Variants in SLC39A10 observed in about 807,000 individuals in gnomAD.
SLC39A10 encodes zinc transporter ZIP10.
SLC39A10 carries 13 observed loss-of-function variants against 65.1 expected under a neutral mutation model. That is an observed-to-expected ratio of 0.20 (90% confidence interval 0.13 to 0.32). The LOEUF (loss-of-function observed/expected upper bound fraction) is 0.32, where lower values mean the gene tolerates loss of function less well. Ranked by LOEUF, SLC39A10 falls within the 10% of genes least tolerant of loss-of-function variation. The pLI, the probability that SLC39A10 is intolerant of heterozygous loss-of-function variation, is 1.00. For missense variants in SLC39A10, 831 were observed against 1,018.4 expected (o/e 0.82, Z 2.50); for synonymous variants, 321 against 342.2 (o/e 0.94, Z 0.68).
intron 2 of SLC39A10, among the ~76,000 whole-genome samples, chr2:195,619,581 G>A (rs1253088841): frequency 2.0e-5 from 3 of 152,322 alleles, no homozygotes; most frequent in Admixed American, 2.0e-4. Context: ...TAATGCTGAT[G>A]TACACGAGGA....
chr2:195,650,385 G>T (rs1689008141), intron 2 of SLC39A10, among the ~76,000 whole-genome samples: 1 of 151,942 alleles, frequency 6.6e-6, no homozygotes, highest in African/African-American at 2.4e-5. Flanking sequence ...GTCTGGCTCT[G>T]GCTCTGAGTT....
chr2:195,705,122 C>T (rs1028360858), intron 3 of SLC39A10, among the ~76,000 whole-genome samples: 2 of 152,144 alleles, frequency 1.3e-5, no homozygotes, highest in Admixed American at 1.3e-4. Context: ...TTTCTTTCCA[C>T]TAACCAGGAT....
chr2:195,695,805 G>T (rs1559038204), intron 3 of SLC39A10, among the ~76,000 whole-genome samples: 8 of 152,128 alleles, frequency 5.3e-5, no homozygotes, highest in Admixed American at 4.6e-4. Context: ...CAGTTTGTCT[G>T]TTTTTTTGTT....
chr2:195,649,535 T>C (rs1688990241), intron 2 of SLC39A10, among the ~76,000 whole-genome samples: 1 of 152,202 alleles, frequency 6.6e-6, no homozygotes, highest in South Asian at 2.1e-4. Flanking sequence ...TGATCTTATG[T>C]GATGACATTT....
rs767931505 is a variant in SLC39A10 at position 195,680,425 on chromosome 2, A to G, written c.383A>G (p.His128Arg). Reference protein sequence around the residue: ...QEGKHFHSHNHQHSHNHLNSE... With the variant: ...QEGKHFHSHNRQHSHNHLNSE... ...GGAAAGCATTTTCACTCACATAACC[A>G]CCAGCATTCCCATAATCATTTAAAT... Residue 128 changes from histidine to arginine, a missense_variant, in exon 2 of 10, where the codon CAC (histidine) becomes CGC (arginine). This residue lies in a region of SLC39A10 where 446 missense variants were observed against 499.2 expected (regional missense o/e 0.89). Coordinates refer to ENST00000359634, the MANE Select transcript of SLC39A10 (RefSeq NM_020342.3). The G allele has an allele frequency of 8.7e-6, 14 of 1,614,042 alleles. No homozygotes were observed. In the Admixed American group the frequency reaches 2.3e-4, roughly 27 times the overall value.
intron 1 of SLC39A10, among the ~76,000 whole-genome samples, chr2:195,668,475 A>G (rs1242748138): frequency 6.6e-6 from 1 of 152,236 alleles, no homozygotes; most frequent in Non-Finnish European, 1.5e-5. Context: ...GCAATCTGGA[A>G]CACTGAAAAA....
At chr2:195,684,388 G>A (rs1690445652) in intron 3 of SLC39A10, among the ~76,000 whole-genome samples, 1 of 151,906 alleles carries the variant, frequency 6.6e-6, no homozygotes, top group African/African-American at 2.4e-5. Flanking sequence ...CTTTATTATG[G>A]GTATTTCTAG....
chr2:195,714,101 C>A (rs1411076970), intron 6 of SLC39A10, among the ~76,000 whole-genome samples: 2 of 151,830 alleles, frequency 1.3e-5, no homozygotes, highest in African/African-American at 4.8e-5. Context: ...TAATTTTTTT[C>A]TTTGTATTTT....
chr2:195,691,325 G>T (rs572884419), intron 3 of SLC39A10, among the ~76,000 whole-genome samples: 1 of 152,092 alleles, frequency 6.6e-6, no homozygotes. Flanking sequence ...TGCTGTAAAC[G>T]TGTGTCCAAG....
At chr2:195,723,050 G>A (rs1692105894) in intron 8 of SLC39A10, among the ~76,000 whole-genome samples, 1 of 152,174 alleles carries the variant, frequency 6.6e-6, no homozygotes, top group Non-Finnish European at 1.5e-5. Flanking sequence ...AGTTTCTGCA[G>A]GTGTTTTTTG....
chr2:195,680,137 G>T lies in SLC39A10; in HGVS notation c.95G>T (p.Gly32Val). 1.9e-6 allele frequency: 3 copies of T among 1,613,972 alleles called. No homozygotes were observed. The highest frequency in any genetic ancestry group is 2.5e-6 in the Non-Finnish European group (3 of 1,180,020). ...CNHCHEEHDH[G>V]PEALHRQHRG... is the part of the protein sequence containing the mutation. ...CATTGCCATGAAGAACATGACCATG[G>T]CCCTGAAGCGCTTCACAGACAGCAT... is the stretch of plus-strand genomic sequence containing the variant. Residue 32 changes from glycine (G) to valine (V), a missense_variant, in exon 2 of 10, where the codon GGC becomes GTC. By Grantham distance (109) the Gly-to-Val change is moderately radical. Coordinates refer to ENST00000359634, the MANE Select transcript of SLC39A10 (RefSeq NM_020342.3).
intron 8 of SLC39A10, among the ~76,000 whole-genome samples, chr2:195,719,376 C>T (rs910226262): frequency 7.9e-5 from 12 of 152,202 alleles, no homozygotes; most frequent in East Asian, 1.9e-4. Flanking sequence ...AATGTGCTTT[C>T]GCCACATTTT....
chr2:195,664,754 G>A (rs1349992831), intron 1 of SLC39A10, among the ~76,000 whole-genome samples: 1 of 152,158 alleles, frequency 6.6e-6, no homozygotes, highest in Non-Finnish European at 1.5e-5. Context: ...AATCAATTTG[G>A]AAAGTAAGTA....
chr2:195,671,059 G>C (rs1216540132), intron 1 of SLC39A10, among the ~76,000 whole-genome samples: 4 of 152,154 alleles, frequency 2.6e-5, no homozygotes, highest in Non-Finnish European at 5.9e-5. Context: ...TAGGAACCCA[G>C]AATTCCTCTC....
At position 195,680,160 on chromosome 2, in the gene SLC39A10, C is replaced by A; in HGVS notation, c.118C>A (p.His40Asn). 6.2e-7 allele frequency: 1 copy of A among 1,614,026 alleles called. No individual in the cohort carries two copies. The highest frequency in any genetic ancestry group is 8.5e-7 in the Non-Finnish European group (1 of 1,180,018). ...DHGPEALHRQHRGMTELEPSK... is the reference protein window; with the variant it reads ...DHGPEALHRQNRGMTELEPSK... ...TGGCCCTGAAGCGCTTCACAGACAG[C>A]ATCGTGGAATGACAGAATTGGAGCC... Residue 40 changes from histidine to asparagine, a missense_variant, in exon 2 of 10, where the codon CAT becomes AAT. Transcript: ENST00000359634.
chr2:195,637,662 A>G (rs6743485), intron 2 of SLC39A10, among the ~76,000 whole-genome samples: 33,179 of 152,172 alleles, frequency 0.22, 4,259 homozygotes, highest in East Asian at 0.59. Flanking sequence ...ATTCTTAACC[A>G]TAATTGAGGC....
At position 195,716,841 on chromosome 2, in the gene SLC39A10, C is replaced by T. The variant is rs750664038; in HGVS notation, c.1901C>T (p.Thr634Ile). ...AAHNHHGENK[T>I]VLRKHNHQWH... is the part of the protein sequence containing the mutation. The stretch of plus-strand genomic sequence containing the variant: ...CATAACCACCACGGCGAGAACAAAA[C>T]TGTGCTGAGGAAGCATAATCACCAG... Residue 634 changes from threonine (T) to isoleucine (I), a missense_variant, in exon 7 of 10, where the codon ACT (threonine) becomes ATT (isoleucine). Transcript: ENST00000359634. 8.1e-6 allele frequency: 13 copies of T among 1,614,178 alleles called. 1 individual carries two copies. Among genetic ancestry groups the T allele is most frequent in the Middle Eastern group, 1.6e-4 (1 of 6,062 alleles).
At chr2:195,671,429 C>T (rs1574249688) in intron 1 of SLC39A10, among the ~76,000 whole-genome samples, 2 of 152,184 alleles carry the variant, frequency 1.3e-5, no homozygotes, top group East Asian at 3.9e-4. Context: ...TTGATGTTGA[C>T]AGCACCTAGC....
rs572735239 is a variant in SLC39A10, at chr2:195,719,616, C to CT, written c.2146+1299dup. The stretch of plus-strand genomic sequence containing the variant: ...CCTCCCAGCACTTGGCATTAACTTT[C>CT]TTTTTTTTTTTTTTTCTTTGAGACA... On this transcript the variant is annotated intron_variant, in intron 8 of 9. Coordinates refer to ENST00000359634, the MANE Select transcript of SLC39A10 (RefSeq NM_020342.3). Among the ~76,000 whole-genome samples the CT allele has an allele frequency of 3.6e-3, 503 of 140,858 alleles. 1 individual carries two copies. The highest frequency in any genetic ancestry group is 6.4e-3 in the African/African-American group (249 of 38,826). 92.4% of individuals were successfully genotyped at this position (140,858 alleles called of 152,430 possible). A position where few individuals can be genotyped will look rare whatever the true frequency, so the allele number is the denominator to read the frequency against.
Sources: allele counts gnomAD v4.1 joint callset (sites outside exome capture counted in the v4.1 genomes callset), GRCh38; gene constraint gnomAD v4.1.1; regional missense constraint gnomAD v4.1.1; transcripts MANE v1.5; gene names NCBI Gene and HGNC (gene_info 2026-07-23, HGNC 2026-07-21).